The following DIP2C variants were observed in gnomAD, a reference collection of about 807,000 sequenced individuals.
DIP2C encodes the protein DIP2 acetate--CoA ligase C (putative), also known as disco-interacting protein 2 homolog C.
A neutral mutation model predicts 192.4 loss-of-function variants in DIP2C; 33 were observed. The observed-to-expected ratio is 0.17, with a 90% confidence interval of 0.13 to 0.23. DIP2C has a LOEUF of 0.23. Among genes scored for constraint, DIP2C ranks in the 10% least tolerant of loss-of-function variants. DIP2C has a pLI of 1.00. For synonymous variants in DIP2C, 979 were observed against 864.1 expected (o/e 1.13, Z -2.33); for missense variants, 1,537 against 2,110.1 (o/e 0.73, Z 5.32).
chr10:449,680 T>C (rs1968669355), intron 3 of DIP2C, among the ~76,000 whole-genome samples: 1 of 148,768 alleles, frequency 6.7e-6, no homozygotes, highest in South Asian at 2.2e-4. Flanking sequence ...TACCTAATGA[T>C]AGATGACACG....
intron 1 of DIP2C, among the ~76,000 whole-genome samples, chr10:511,501 G>C (rs1207111831): frequency 6.6e-6 from 1 of 152,180 alleles, no homozygotes. Flanking sequence ...ACACGGAGAA[G>C]TATGAGGAAA....
Position 390,271 on chromosome 10 carries a change from T to C in DIP2C, c.1487A>G (p.Tyr496Cys). 7.4e-6 allele frequency: 12 copies of C among 1,613,978 alleles called. No individual in the cohort carries two copies. The highest frequency in any genetic ancestry group is 3.3e-5 in the Admixed American group (2 of 59,994). ...HIKDANNDTA[Y>C]IEYKTCKDGS... ...AGGCCAAGGCTGACTCACCTCAATA[T>C]ACGCAGTGTCGTTATTGGCATCTTT... Residue 496 changes from tyrosine to cysteine, a missense_variant, in exon 12 of 37, where the codon TAT becomes TGT. This residue lies in a region of DIP2C where 677 missense variants were observed against 989.9 expected (regional missense o/e 0.68). Transcript: ENST00000280886.
rs1258645966 is a variant in DIP2C, at chr10:446,441, G to C, written c.269-5445C>G. Among the ~76,000 whole-genome samples the C allele has an allele frequency of 4.6e-5, 7 of 151,862 alleles. 1 individual carries two copies. The highest frequency in any genetic ancestry group is 7.4e-5 in the Non-Finnish European group (5 of 68,026). ...TCTGTATACATCTGTTGTGAAGAGT[G>C]TATCTTGCATGCTTGCAAAATTCAC... On this transcript the variant is annotated intron_variant, in intron 3 of 36. Transcript: ENST00000280886.
At chr10:401,854 C>G (rs1441181846) in intron 9 of DIP2C, among the ~76,000 whole-genome samples, 1 of 151,610 alleles carries the variant, frequency 6.6e-6, no homozygotes, top group Admixed American at 6.6e-5. Flanking sequence ...TAGCATTACT[C>G]TTCCTTATGG....
chr10:423,267 G>T (rs1237019058), intron 4 of DIP2C, among the ~76,000 whole-genome samples: 1 of 152,180 alleles, frequency 6.6e-6, no homozygotes, highest in African/African-American at 2.4e-5. Context: ...GTTTGACACT[G>T]TCATCTCAGA....
At chr10:598,240 C>T (rs540364213) in intron 1 of DIP2C, among the ~76,000 whole-genome samples, 6 of 152,118 alleles carry the variant, frequency 3.9e-5, no homozygotes, top group African/African-American at 1.4e-4. Flanking sequence ...CCTCCCCACC[C>T]CAAGGGCAGC....
At chr10:640,880 G>A (rs1433600922) in intron 1 of DIP2C, among the ~76,000 whole-genome samples, 1 of 152,056 alleles carries the variant, frequency 6.6e-6, no homozygotes, top group Non-Finnish European at 1.5e-5. Flanking sequence ...AAGCCACAGA[G>A]ACAGCCCCAC....
At chr10:333,485 G>A (rs114007977) in intron 29 of DIP2C, among the ~76,000 whole-genome samples, 162 of 152,316 alleles carry the variant, frequency 1.1e-3, no homozygotes, top group African/African-American at 3.7e-3. Context: ...GTGCTTCTGA[G>A]CTCATCCTGT....
intron 1 of DIP2C, among the ~76,000 whole-genome samples, chr10:617,876 A>T (rs1853582120): frequency 6.6e-6 from 1 of 152,028 alleles, no homozygotes; most frequent in Non-Finnish European, 1.5e-5. Flanking sequence ...AAGGGCACTC[A>T]TCTGTTCCTT....
At chr10:441,540 C>CA (rs1354361775) in intron 3 of DIP2C, among the ~76,000 whole-genome samples, 5 of 152,216 alleles carry the variant, frequency 3.3e-5, no homozygotes, top group Admixed American at 3.3e-4. Flanking sequence ...CATTGGGGCC[C>CA]ATCTTTCCCG....
At position 277,449 on chromosome 10, in the gene DIP2C, A is replaced by G. The variant is rs779489508; in HGVS notation, c.4547T>C (p.Val1516Ala). The change falls in exon 37 of 37, where the codon GTG (valine) becomes GCG (alanine). Residue 1516 changes from valine (V) to alanine (A), a missense_variant. Val to Ala is a moderately conservative substitution (Grantham distance 64, BLOSUM62 0). Transcript: ENST00000280886. ...VLEEHYLIVGVVVVVDIGVIP... is the reference protein window; with the variant it reads ...VLEEHYLIVGAVVVVDIGVIP... ...GACGCCGATGTCCACCACGACCACC[A>G]CTCCGACGATCAGGTAGTGCTCCTC... 6.2e-7 allele frequency: 1 copy of G among 1,613,818 alleles called. No individual in the cohort carries two copies. The highest frequency in any genetic ancestry group is 1.1e-5 in the South Asian group (1 of 91,062).
chr10:372,691 A>G (rs796983983), intron 17 of DIP2C, among the ~76,000 whole-genome samples: 3 of 148,986 alleles, frequency 2.0e-5, no homozygotes, highest in African/African-American at 5.2e-5. Context: ...GGAGGTCCCG[A>G]CACACAGCCA....
chr10:357,668 AGTCGGGGACT>A (rs1347443349), intron 23 of DIP2C, among the ~76,000 whole-genome samples, 150 bp downstream of exon 23: 1 of 152,056 alleles, frequency 6.6e-6, no homozygotes, highest in Non-Finnish European at 1.5e-5. Flanking sequence ...CTGTCGGGAA[AGTCGGGGACT>A]GTCGGGGACG....
intron 5 of DIP2C, among the ~76,000 whole-genome samples, chr10:420,444 C>T (rs766809750): frequency 9.9e-5 from 15 of 152,206 alleles, no homozygotes; most frequent in South Asian, 2.1e-4. Context: ...CCACACCGCC[C>T]GTCAGTGCCA....
intron 4 of DIP2C, among the ~76,000 whole-genome samples, chr10:431,448 T>G (rs984986204): frequency 6.6e-6 from 1 of 152,170 alleles, no homozygotes; most frequent in African/African-American, 2.4e-5. Context: ...TGGAAATTTT[T>G]TTTTAAATTA....
chr10:375,059 A>AC (rs1325604563), intron 17 of DIP2C, among the ~76,000 whole-genome samples: 1 of 152,324 alleles, frequency 6.6e-6, no homozygotes, highest in East Asian at 1.9e-4. Flanking sequence ...CAAAATACGT[A>AC]CCTGTGTATA....
chr10:607,340 G>A (rs1852566828), intron 1 of DIP2C, among the ~76,000 whole-genome samples: 1 of 152,202 alleles, frequency 6.6e-6, no homozygotes, highest in Non-Finnish European at 1.5e-5. Flanking sequence ...GGGCTAAGAA[G>A]GCACAGACTT....
chr10:299,899 G>A (rs141414670), intron 32 of DIP2C, among the ~76,000 whole-genome samples: 53 of 152,306 alleles, frequency 3.5e-4, no homozygotes, highest in African/African-American at 1.3e-3. Flanking sequence ...AATAGCCAGT[G>A]AGCAAGAGAA....
intron 1 of DIP2C, among the ~76,000 whole-genome samples, chr10:508,133 AGAG>A (rs1244341009): frequency 4.6e-5 from 7 of 152,042 alleles, no homozygotes; most frequent in Admixed American, 6.6e-5. Flanking sequence ...CTCACGCCAC[AGAG>A]GAGCTCGTGC....
Sources: allele counts gnomAD v4.1 joint callset (sites outside exome capture counted in the v4.1 genomes callset), GRCh38; gene constraint gnomAD v4.1.1; regional missense constraint gnomAD v4.1.1; transcripts MANE v1.5; gene names NCBI Gene and HGNC (gene_info 2026-07-23, HGNC 2026-07-21).